MGAT4C: variants seen among roughly 807,000 people sequenced by gnomAD.
The protein encoded by MGAT4C is MGAT4 family member C, also known as alpha-1,3-mannosyl-glycoprotein 4-beta-N-acetylglucosaminyltransferase C.
In MGAT4C, 19 loss-of-function variants were observed where a neutral mutation model predicts 40.1. The observed-to-expected ratio is 0.47, with a 90% CI of 0.33 to 0.70. The LOEUF is 0.70. Among genes scored for constraint, MGAT4C ranks in the 30% least tolerant of loss-of-function variants. The probability of loss-of-function intolerance (pLI) is 0.02; values close to 1 mark genes in which losing one functional copy is unlikely to be tolerated. For missense variants in MGAT4C, 491 were observed against 563.2 expected (o/e 0.87, Z 1.30); for synonymous variants, 181 against 187.1 (o/e 0.97, Z 0.27).
At chr12:86,031,552 G>T (rs1890757028) in intron 2 of MGAT4C, among the ~76,000 whole-genome samples, 1 of 151,666 alleles carries the variant, frequency 6.6e-6, no homozygotes, top group Non-Finnish European at 1.5e-5. Context: ...AAAAAGACAT[G>T]AAAATAGGAA....
chr12:86,201,185 C>T (rs1950035252), intron 1 of MGAT4C, among the ~76,000 whole-genome samples: 2 of 152,000 alleles, frequency 1.3e-5, no homozygotes, highest in Non-Finnish European at 1.5e-5. Context: ...ATTTTTTCTT[C>T]TAGAAACTAT....
intron 1 of MGAT4C, among the ~76,000 whole-genome samples, chr12:86,201,435 T>C (rs1159418907): frequency 7.2e-6 from 1 of 138,556 alleles, no homozygotes; most frequent in Non-Finnish European, 1.5e-5. Context: ...ATTTTATTTT[T>C]ATATTTTAAA....
At chr12:86,260,424 T>C (rs1350692535), upstream of MGAT4C, among the ~76,000 whole-genome samples, 2 of 152,186 alleles carry the variant, frequency 1.3e-5, no homozygotes, top group Non-Finnish European at 2.9e-5. Flanking sequence ...GGCACAGCCA[T>C]ACCCTGATAG....
Position 85,977,756 on chromosome 12 carries a change from G to C in MGAT4C, c.*1533C>G, listed in dbSNP as rs370571115. 1 of 142,158 alleles carries C rather than the reference G, an allele frequency of 7.0e-6. No homozygotes were observed. The highest frequency in any genetic ancestry group is 2.7e-5 in the African/African-American group (1 of 37,730). The allele number at this position is 142,158 out of a possible 1,614,324, so 8.8% of individuals were successfully genotyped here. On this transcript the variant is annotated 3_prime_UTR_variant, in exon 5 of 5. Coordinates refer to ENST00000611864, the MANE Select transcript of MGAT4C (RefSeq NM_001351288.2). ...AAGAGCAGGAAGATTTCCTCATTCT[G>C]TCTTACCAGCAAAAGTCTAGCCTTC...
chr12:86,468,507 G>C (rs952274469), intron 2 of MGAT4C, among the ~76,000 whole-genome samples: 1 of 150,058 alleles, frequency 6.7e-6, no homozygotes, highest in Non-Finnish European at 1.5e-5. Context: ...AAATGCAGAA[G>C]TCTGAGTTGT....
chr12:86,534,167 G>A (rs148595945), intron 2 of MGAT4C, among the ~76,000 whole-genome samples: 6 of 152,056 alleles, frequency 3.9e-5, no homozygotes, highest in African/African-American at 1.4e-4. Flanking sequence ...CACCGTTTTA[G>A]GTCTGATAAG....
intron 1 of MGAT4C, among the ~76,000 whole-genome samples, chr12:86,173,992 G>T (rs2135841006): frequency 1.3e-5 from 2 of 151,874 alleles, no homozygotes; most frequent in African/African-American, 2.4e-5. Context: ...ATGCAATGTT[G>T]TCACATTCAC....
At chr12:86,768,335 GAAC>G (rs1289983464) in intron 1 of MGAT4C, among the ~76,000 whole-genome samples, 1 of 152,096 alleles carries the variant, frequency 6.6e-6, no homozygotes, top group African/African-American at 2.4e-5. Flanking sequence ...TCTTCAAGGA[GAAC>G]AACAAACCAC....
intron 3 of MGAT4C, among the ~76,000 whole-genome samples, chr12:86,406,488 G>A (rs149448053): frequency 1.3e-5 from 2 of 152,002 alleles, no homozygotes; most frequent in East Asian, 3.9e-4. Flanking sequence ...CACATGAAAA[G>A]TTGTTCAACA....
intron 3 of MGAT4C, among the ~76,000 whole-genome samples, chr12:86,372,207 T>C (rs1027441332): frequency 9.2e-5 from 14 of 151,858 alleles, no homozygotes; most frequent in African/African-American, 3.4e-4. Context: ...ATTTTTAATA[T>C]GACATCAAGA....
chr12:86,566,945 G>A (rs1960154973), intron 2 of MGAT4C, among the ~76,000 whole-genome samples: 1 of 151,974 alleles, frequency 6.6e-6, no homozygotes, highest in East Asian at 1.9e-4. Flanking sequence ...GGCTAAAGAA[G>A]TGTGGCAGTG....
At chr12:86,474,829 C>A (rs1188301275) in intron 2 of MGAT4C, among the ~76,000 whole-genome samples, 1 of 151,886 alleles carries the variant, frequency 6.6e-6, no homozygotes. Flanking sequence ...ATGTGGACAC[C>A]TTTTAAATGC....
chr12:86,025,230 G>A (rs1306118847), intron 2 of MGAT4C, among the ~76,000 whole-genome samples: 2 of 150,932 alleles, frequency 1.3e-5, no homozygotes, highest in Non-Finnish European at 3.0e-5. Context: ...TGGTTTGAGA[G>A]CATAATAAAA....
intron 3 of MGAT4C, among the ~76,000 whole-genome samples, chr12:86,341,083 A>G (rs1196782280): frequency 3.3e-5 from 5 of 152,190 alleles, no homozygotes; most frequent in Non-Finnish European, 4.4e-5. Context: ...AACACCTTCA[A>G]TTGAAACACC....
rs186584726 is a variant in MGAT4C, at chr12:86,646,094, T to A, written c.-229+81115A>T. On this transcript the variant is annotated intron_variant, in intron 2 of 7. Coordinates refer to the MGAT4C transcript ENST00000548651. The stretch of plus-strand genomic sequence containing the variant: ...TTGAGTGCAGCATATTTCTAAGATT[T>A]GTCTGTAAAATAATTGGAATAATAG... Among the ~76,000 whole-genome samples, 48 of 151,920 alleles carry A rather than the reference T, an allele frequency of 3.2e-4. 1 individual carries two copies. The highest frequency in any genetic ancestry group is 3.0e-3 in the Admixed American group (45 of 15,208).
intron 1 of MGAT4C, among the ~76,000 whole-genome samples, chr12:86,246,625 G>A (rs1018956841): frequency 2.6e-5 from 4 of 151,940 alleles, no homozygotes; most frequent in South Asian, 2.1e-4. Context: ...TTATAAATAC[G>A]TTTTGTACAA....
chr12:86,334,499 A>G (rs1415076975), intron 3 of MGAT4C, among the ~76,000 whole-genome samples: 1 of 152,158 alleles, frequency 6.6e-6, no homozygotes, highest in Non-Finnish European at 1.5e-5. Context: ...CAATATGATC[A>G]ATTTAGCTAA....
intron 1 of MGAT4C, chr12:86,745,027 A>AGAAT (rs953295684): frequency 2.0e-5 from 3 of 151,586 alleles, no homozygotes. Flanking sequence ...GACAGAGAAG[A>AGAAT]GAATGTGCCT....
At chr12:86,387,729 GC>G (rs1320000467) in intron 3 of MGAT4C, among the ~76,000 whole-genome samples, 1 of 152,052 alleles carries the variant, frequency 6.6e-6, no homozygotes, top group East Asian at 1.9e-4. Context: ...GACTTCTGTA[GC>G]CCTAAAGATT....
Sources: gnomAD v4.1 joint callset for allele counts (sites outside exome capture counted in the v4.1 genomes callset) on GRCh38, gnomAD v4.1.1 for gene constraint, MANE v1.5 for transcripts, NCBI Gene and HGNC (gene_info 2026-07-23, HGNC 2026-07-21) for gene names.